PAFAH1B1: variants seen among roughly 807,000 people sequenced by gnomAD.
PAFAH1B1 encodes the protein platelet-activating factor acetylhydrolase IB subunit beta.
A neutral mutation model predicts 57.5 loss-of-function variants in PAFAH1B1; 2 were observed. The observed-to-expected ratio is 0.03, with a 90% confidence interval of 0.01 to 0.11. The LOEUF (loss-of-function observed/expected upper bound fraction) is 0.11, where lower values mean the gene tolerates loss of function less well. Among genes scored for constraint, PAFAH1B1 ranks in the 10% least tolerant of loss-of-function variants. The pLI, the probability that PAFAH1B1 is intolerant of heterozygous loss-of-function variation, is 1.00. For synonymous variants in PAFAH1B1, 152 were observed against 169.6 expected (o/e 0.90, Z 0.81); for missense variants, 257 against 512.0 (o/e 0.50, Z 4.81).
chr17:2,644,191 T>C (rs985445762), intron 2 of PAFAH1B1, among the ~76,000 whole-genome samples: 3 of 151,470 alleles, frequency 2.0e-5, no homozygotes, highest in African/African-American at 7.3e-5. Context: ...ACCAATCCAG[T>C]ATCTCCTGGA....
intron 2 of PAFAH1B1, among the ~76,000 whole-genome samples, chr17:2,654,523 T>G (rs1194489056): frequency 6.6e-6 from 1 of 152,148 alleles, no homozygotes; most frequent in African/African-American, 2.4e-5. Context: ...TATAATCATA[T>G]TGTCTATATT....
At position 2,684,314 on chromosome 17, in the gene PAFAH1B1, CTG is replaced by C. The variant is rs886250536; in HGVS notation, c.*2516_*2517del. ...ACTGTCCTGTTGATGCCCTTTCTGACTGTGTTCTCTGTTTTCTCTGTCTGCTG... is the reference window on the plus strand; with the variant it reads ...ACTGTCCTGTTGATGCCCTTTCTGACTGTTCTCTGTTTTCTCTGTCTGCTG... On this transcript the variant is annotated 3_prime_UTR_variant, in exon 11 of 11. Coordinates refer to ENST00000397195, the MANE Select transcript of PAFAH1B1 (RefSeq NM_000430.4). The C allele has an allele frequency of 3.9e-5, 6 of 152,764 alleles. No individual in the cohort carries two copies. The highest frequency in any genetic ancestry group is 1.2e-4 in the African/African-American group (5 of 41,456). 9.5% of individuals were successfully genotyped at this position (152,764 alleles called of 1,614,324 possible).
chr17:2,673,767 CA>C, intron 7 of PAFAH1B1: 1 of 394,436 alleles, frequency 2.5e-6, no homozygotes. Context: ...ATTAGTAGAG[CA>C]TAGCTTTTTT....
chr17:2,644,934 G>T lies in PAFAH1B1; in HGVS notation c.32+6614G>T, dbSNP rs1041119496. Among the ~76,000 whole-genome samples, 5 of 152,220 alleles carry T rather than the reference G, an allele frequency of 3.3e-5. No homozygotes were observed. In the South Asian group the frequency reaches 1.0e-3, roughly 32 times the overall value. On this transcript the variant is annotated intron_variant, in intron 2 of 10. Coordinates refer to ENST00000397195, the MANE Select transcript of PAFAH1B1 (RefSeq NM_000430.4). Reference sequence around the variant, plus strand: ...TTTCAGATGACTAAATTTATAGAGAGCTTTAGATAAATAATTTAAAATGTT... The same window carrying T: ...TTTCAGATGACTAAATTTATAGAGATCTTTAGATAAATAATTTAAAATGTT...
chr17:2,664,983 A>ATATG (rs2069085989), intron 2 of PAFAH1B1, among the ~76,000 whole-genome samples: 1 of 151,776 alleles, frequency 6.6e-6, no homozygotes, highest in Non-Finnish European at 1.5e-5. Context: ...CCTTGAGTGT[A>ATATG]TAACAAGTGG....
intron 2 of PAFAH1B1, among the ~76,000 whole-genome samples, chr17:2,664,138 GT>G (rs2069061853): frequency 6.6e-6 from 1 of 152,190 alleles, no homozygotes; most frequent in African/African-American, 2.4e-5. Context: ...GGAACATAAA[GT>G]TTTTGCTGGT....
chr17:2,675,007 C>A (rs2069240781), intron 8 of PAFAH1B1, among the ~76,000 whole-genome samples: 1 of 151,986 alleles, frequency 6.6e-6, no homozygotes, highest in Admixed American at 6.6e-5. Flanking sequence ...TGGTCTAAAA[C>A]TTTTGTTTGT....
intron 1 of PAFAH1B1, among the ~76,000 whole-genome samples, chr17:2,617,027 C>T (rs1405931111): frequency 6.6e-6 from 1 of 152,058 alleles, no homozygotes; most frequent in East Asian, 1.9e-4. Context: ...GAGCCGAGAT[C>T]GCACCACTGC....
intron 1 of PAFAH1B1, 76 bp downstream of exon 1, chr17:2,594,082 G>A (rs1428337046): frequency 2.5e-6 from 1 of 397,190 alleles, no homozygotes; most frequent in East Asian, 3.6e-5. Flanking sequence ...GGACCCGGCG[G>A]CCTGACGATG....
At chr17:2,638,460 G>A (rs2068651893) in intron 2 of PAFAH1B1, 140 bp downstream of exon 2, 5 of 704,374 alleles carry the variant, frequency 7.1e-6, no homozygotes, top group Non-Finnish European at 1.0e-5. Context: ...AGGCAGTTTG[G>A]TCTGATTTTA....
chr17:2,677,850 C>A (rs1054403068), intron 9 of PAFAH1B1, among the ~76,000 whole-genome samples: 191 of 121,146 alleles, frequency 1.6e-3, no homozygotes, highest in African/African-American at 5.3e-3. Flanking sequence ...CGAGACTCCG[C>A]CTCAAAAAAT....
intron 1 of PAFAH1B1, among the ~76,000 whole-genome samples, chr17:2,626,905 C>G (rs1408656843): frequency 1.3e-5 from 2 of 152,028 alleles, no homozygotes; most frequent in African/African-American, 4.8e-5. Flanking sequence ...TGAGAATTGT[C>G]TCTTCATGTC....
chr17:2,595,016 C>A (rs951899346), intron 1 of PAFAH1B1, among the ~76,000 whole-genome samples: 1 of 152,136 alleles, frequency 6.6e-6, no homozygotes, highest in Admixed American at 6.5e-5. Context: ...CAAGAAACTC[C>A]TTGGGAAGAG....
intron 8 of PAFAH1B1, chr17:2,676,204 C>A: frequency 2.9e-6 from 1 of 346,292 alleles, no homozygotes; most frequent in Non-Finnish European, 5.6e-6. Context: ...ATGGCAAAAC[C>A]CCATCTCTAC....
chr17:2,631,364 C>G (rs1357751704), intron 1 of PAFAH1B1, among the ~76,000 whole-genome samples: 2 of 152,174 alleles, frequency 1.3e-5, no homozygotes, highest in Non-Finnish European at 2.9e-5. Flanking sequence ...CGGATTCGCA[C>G]CCTCCCCTGA....
intron 2 of PAFAH1B1, among the ~76,000 whole-genome samples, chr17:2,650,345 C>G (rs1452806365): frequency 1.3e-5 from 2 of 152,116 alleles, no homozygotes; most frequent in African/African-American, 4.8e-5. Flanking sequence ...AACCCCATCT[C>G]TACTGAAAAT....
intron 1 of PAFAH1B1, chr17:2,614,003 A>G (rs1386483415): frequency 1.4e-5 from 2 of 140,450 alleles, no homozygotes; most frequent in African/African-American, 2.9e-5. Context: ...TATATATTAT[A>G]TATTGTTTAT....
chr17:2,607,665 G>A (rs1196195566), intron 1 of PAFAH1B1, among the ~76,000 whole-genome samples: 3 of 151,670 alleles, frequency 2.0e-5, no homozygotes, highest in Non-Finnish European at 4.4e-5. Flanking sequence ...TGTACTTTTA[G>A]TAGAGACAGG....
At chr17:2,643,080 GTTCT>G (rs1164649339) in intron 2 of PAFAH1B1, among the ~76,000 whole-genome samples, 3 of 151,956 alleles carry the variant, frequency 2.0e-5, no homozygotes, top group Non-Finnish European at 4.4e-5. Flanking sequence ...TACTGTATAT[GTTCT>G]TTGTTTGTTT....
Sources: allele counts gnomAD v4.1 joint callset (sites outside exome capture counted in the v4.1 genomes callset), GRCh38; gene constraint gnomAD v4.1.1; transcripts MANE v1.5; gene names NCBI Gene and HGNC (gene_info 2026-07-23, HGNC 2026-07-21).